KPNA1: variants seen among roughly 807,000 people sequenced by gnomAD.
KPNA1 encodes the protein importin subunit alpha-5.
Under a neutral mutation model 70.5 loss-of-function variants are expected in KPNA1, and 10 were observed. The ratio of observed to expected loss-of-function variants is 0.14; its 90% CI spans 0.09 to 0.24. KPNA1 has a LOEUF of 0.24. Ranked by LOEUF, KPNA1 falls within the 10% of genes least tolerant of loss-of-function variation. The probability of loss-of-function intolerance (pLI) is 1.00; values close to 1 mark genes in which losing one functional copy is unlikely to be tolerated. For missense variants in KPNA1, 397 were observed against 637.9 expected (o/e 0.62, Z 4.07); for synonymous variants, 192 against 221.9 (o/e 0.87, Z 1.20).
chr3:122,496,344 A>ACACACACACACACACACACACC, intron 2 of KPNA1, 93 bp downstream of exon 2: 2 of 1,160,784 alleles, frequency 1.7e-6, no homozygotes, highest in Admixed American at 1.9e-5. Flanking sequence ...ACACACACAC[A>ACACACACACACACACACACACC]CACACCCCAA....
intron 5 of KPNA1, among the ~76,000 whole-genome samples, chr3:122,455,702 T>C (rs761351300): frequency 2.0e-5 from 3 of 152,096 alleles, no homozygotes; most frequent in Non-Finnish European, 4.4e-5. Flanking sequence ...ATTACAGGCA[T>C]GTGCCACCAC....
intron 2 of KPNA1, among the ~76,000 whole-genome samples, chr3:122,476,165 A>T (rs1029209980): frequency 1.3e-5 from 2 of 152,248 alleles, no homozygotes; most frequent in Middle Eastern, 3.2e-3. Context: ...TTTTCTACAA[A>T]GGTGCCAAGA....
At chr3:122,473,768 T>A (rs1343563747) in intron 2 of KPNA1, among the ~76,000 whole-genome samples, 1 of 152,154 alleles carries the variant, frequency 6.6e-6, no homozygotes, top group Admixed American at 6.5e-5. Flanking sequence ...GGTATGAAAC[T>A]AGAAGCTTCT....
At chr3:122,459,716 G>C in intron 5 of KPNA1, 1 of 985,462 alleles carries the variant, frequency 1.0e-6, no homozygotes, top group Non-Finnish European at 1.2e-6. Context: ...AATGAGCATG[G>C]GAACTGGTAA....
chr3:122,506,183 T>C (rs2076888525), intron 1 of KPNA1, among the ~76,000 whole-genome samples: 1 of 152,116 alleles, frequency 6.6e-6, no homozygotes, highest in Non-Finnish European at 1.5e-5. Flanking sequence ...TCAAACACAT[T>C]CTAAATGTTC....
At chr3:122,438,122 C>A (rs1313602700) in intron 10 of KPNA1, among the ~76,000 whole-genome samples, 1 of 152,146 alleles carries the variant, frequency 6.6e-6, no homozygotes, top group Non-Finnish European at 1.5e-5. Context: ...TAGGAGGTGA[C>A]TGGATCATGG....
intron 11 of KPNA1, among the ~76,000 whole-genome samples, chr3:122,435,927 G>A (rs1302704176): frequency 1.3e-5 from 2 of 152,160 alleles, no homozygotes; most frequent in South Asian, 2.1e-4. Flanking sequence ...GGATAACAGC[G>A]ATGTTCAGGG....
At position 122,451,644 on chromosome 3, in the gene KPNA1, G is replaced by A. The variant is rs562680273; in HGVS notation, c.654-11C>T. The A allele has an allele frequency of 9.0e-6, 14 of 1,556,742 alleles. No individual in the cohort carries two copies. The highest frequency in any genetic ancestry group is 6.7e-5 in the Admixed American group (4 of 59,772). ...TGCTTTGAAAATAACCTAAAAGCAC[G>A]ATGGTACAATGGTAAACTATGTAAC... On this transcript the variant is annotated splice_polypyrimidine_tract_variant and intron_variant, in intron 7 of 13. Transcript: ENST00000344337.
intron 2 of KPNA1, among the ~76,000 whole-genome samples, chr3:122,468,949 G>A (rs1048096993): frequency 2.0e-5 from 3 of 152,126 alleles, no homozygotes; most frequent in Non-Finnish European, 2.9e-5. Context: ...GAGTATCTAT[G>A]AACTGAAACA....
intron 5 of KPNA1, among the ~76,000 whole-genome samples, chr3:122,457,568 T>C (rs1344980129): frequency 6.6e-6 from 1 of 152,212 alleles, no homozygotes; most frequent in Non-Finnish European, 1.5e-5. Context: ...ATTCCACTCA[T>C]TATTTTTCAC....
intron 2 of KPNA1, among the ~76,000 whole-genome samples, chr3:122,475,048 A>G (rs1375551904): frequency 2.6e-5 from 4 of 152,158 alleles, no homozygotes; most frequent in Non-Finnish European, 5.9e-5. Flanking sequence ...ATCTAAATTA[A>G]AAAGGAAGAA....
intron 1 of KPNA1, among the ~76,000 whole-genome samples, chr3:122,513,229 T>C (rs1324907903): frequency 1.3e-5 from 2 of 152,128 alleles, no homozygotes; most frequent in East Asian, 1.9e-4. Context: ...ATCTGTAAAA[T>C]AGAAAAATTA....
intron 5 of KPNA1, among the ~76,000 whole-genome samples, chr3:122,454,876 A>G (rs985029916): frequency 6.6e-6 from 1 of 152,230 alleles, no homozygotes. Flanking sequence ...CAAAAAATAG[A>G]GCATATTACT....
At position 122,422,532 on chromosome 3, in the gene KPNA1, C is replaced by A. The variant is rs1467729706; in HGVS notation, c.*4453G>T. 6.6e-6 allele frequency: 1 copy of A among 152,136 alleles called. No homozygotes were observed. The highest frequency in any genetic ancestry group is 1.5e-5 in the Non-Finnish European group (1 of 68,050). The allele number at this position is 152,136 out of a possible 1,614,324, so 9.4% of individuals were successfully genotyped here. ...GTAAGCAGGAGTCAGGAAGAATGGT[C>A]TAACAAAAAAGGCTGGCCCAGCTGT... On this transcript the variant is annotated 3_prime_UTR_variant, in exon 14 of 14. Transcript: ENST00000344337.
chr3:122,447,426 T>C (rs887644618), intron 9 of KPNA1, among the ~76,000 whole-genome samples: 2 of 152,170 alleles, frequency 1.3e-5, no homozygotes, highest in African/African-American at 2.4e-5. Flanking sequence ...AAAAACTACA[T>C]GATTATCTCA....
At chr3:122,460,238 T>C in intron 5 of KPNA1, 1 of 985,320 alleles carries the variant, frequency 1.0e-6, no homozygotes. Context: ...TACTAAAAAA[T>C]CATCAGTTTC....
chr3:122,461,241 CTT>C lies in KPNA1; in HGVS notation c.413_414del (p.Lys138ArgfsTer8). The C allele has an allele frequency of 6.2e-7, 1 of 1,611,774 alleles. No individual in the cohort carries two copies. Among genetic ancestry groups the C allele is most frequent in the Non-Finnish European group, 8.5e-7 (1 of 1,178,230 alleles). ...ATTCGCACCTGCAGTGTACAATTCT[CTT>C]TTCGTTTGAGGAACTCCACAAACCT... is the stretch of plus-strand genomic sequence containing the variant. ...VARFVEFLKR[K>X]ENCTLQFESA... On this transcript the variant is annotated frameshift_variant, in exon 5 of 14. Transcript: ENST00000344337. LOFTEE classifies it high-confidence loss of function.
chr3:122,480,290 G>A (rs76490027), intron 2 of KPNA1, among the ~76,000 whole-genome samples: 1 of 37,554 alleles, frequency 2.7e-5, no homozygotes, highest in African/African-American at 6.6e-5. Flanking sequence ...TTTGGGTGAC[G>A]ATGTGTCAAT....
intron 1 of KPNA1, among the ~76,000 whole-genome samples, chr3:122,501,281 G>A (rs995561045): frequency 2.6e-5 from 4 of 151,896 alleles, no homozygotes; most frequent in South Asian, 2.1e-4. Context: ...CCACCTCCGC[G>A]TCCTGAAGTG....
Sources: gnomAD v4.1 joint callset for allele counts (sites outside exome capture counted in the v4.1 genomes callset) on GRCh38, gnomAD v4.1.1 for gene constraint, MANE v1.5 for transcripts, NCBI Gene and HGNC (gene_info 2026-07-23, HGNC 2026-07-21) for gene names.